The following CNTNAP5 variants were observed in gnomAD, a reference collection of about 807,000 sequenced individuals.
CNTNAP5 encodes the protein contactin-associated protein-like 5.
Under a neutral mutation model 150.2 loss-of-function variants are expected in CNTNAP5, and 72 were observed. The observed-to-expected ratio is 0.48, with a 90% CI of 0.40 to 0.58. The LOEUF is 0.58. Among genes scored for constraint, CNTNAP5 ranks in the 20% least tolerant of loss-of-function variants. CNTNAP5 has a pLI of 0.00. For synonymous variants in CNTNAP5, 672 were observed against 619.8 expected (o/e 1.08, Z -1.25); for missense variants, 1,636 against 1,626.2 (o/e 1.01, Z -0.10).
rs544040027 is a variant in CNTNAP5 at position 124,336,761 on chromosome 2, A to C, written c.382-80682A>C. ...GGTATATATGTGCCACATTTTCTTA[A>C]TCCAGTCTATCATTGTTAGACATTT... On this transcript the variant is annotated intron_variant, in intron 3 of 23. Coordinates refer to ENST00000682447, the MANE Select transcript of CNTNAP5 (RefSeq NM_001367498.1). Among the ~76,000 whole-genome samples the C allele has an allele frequency of 7.2e-5, 11 of 151,738 alleles. No individual in the cohort carries two copies. The South Asian group carries it at 2.3e-3, about 32-fold the overall frequency.
At chr2:124,768,478 CTAA>C (rs1297852008) in intron 16 of CNTNAP5, among the ~76,000 whole-genome samples, 1 of 152,116 alleles carries the variant, frequency 6.6e-6, no homozygotes, top group Non-Finnish European at 1.5e-5. Context: ...ATGAATACTA[CTAA>C]TAATTACACT....
intron 3 of CNTNAP5, among the ~76,000 whole-genome samples, chr2:124,310,941 C>T (rs1367370913): frequency 6.6e-6 from 1 of 152,100 alleles, no homozygotes; most frequent in Non-Finnish European, 1.5e-5. Context: ...GTCCTCGACA[C>T]TTTCATGACT....
At chr2:124,904,725 T>A (rs1678495659) in intron 22 of CNTNAP5, among the ~76,000 whole-genome samples, 1 of 152,026 alleles carries the variant, frequency 6.6e-6, no homozygotes, top group South Asian at 2.1e-4. Context: ...AAAAATTAAC[T>A]TGAAATGGAT....
At chr2:124,534,841 A>G (rs566414764) in intron 10 of CNTNAP5, among the ~76,000 whole-genome samples, 2 of 152,124 alleles carry the variant, frequency 1.3e-5, no homozygotes, top group Non-Finnish European at 2.9e-5. Context: ...TATGACTTGT[A>G]TCTTGTGACA....
chr2:124,356,242 A>G (rs975702921), intron 3 of CNTNAP5, among the ~76,000 whole-genome samples: 3 of 152,138 alleles, frequency 2.0e-5, no homozygotes, highest in Non-Finnish European at 2.9e-5. Flanking sequence ...GACATACTCA[A>G]TTATCTTAAC....
At chr2:124,212,803 C>G (rs562055668) in intron 1 of CNTNAP5, among the ~76,000 whole-genome samples, 2 of 140,446 alleles carry the variant, frequency 1.4e-5, no homozygotes, top group East Asian at 4.5e-4. Flanking sequence ...TTAGGCTTGG[C>G]TGGGACCTAC....
At chr2:124,086,001 T>C (rs1682679511) in intron 1 of CNTNAP5, among the ~76,000 whole-genome samples, 1 of 152,166 alleles carries the variant, frequency 6.6e-6, no homozygotes, top group South Asian at 2.1e-4. Context: ...TTAATGGTGT[T>C]GAGTTCTTCT....
intron 6 of CNTNAP5, among the ~76,000 whole-genome samples, chr2:124,448,935 G>A (rs1008935583): frequency 4.6e-5 from 7 of 152,142 alleles, no homozygotes; most frequent in Non-Finnish European, 1.0e-4. Flanking sequence ...ACACCAACAC[G>A]TACATACCTG....
At chr2:124,491,913 AG>A (rs1163244710) in intron 7 of CNTNAP5, among the ~76,000 whole-genome samples, 37 of 152,134 alleles carry the variant, frequency 2.4e-4, no homozygotes, top group African/African-American at 8.4e-4. Context: ...AAAAATCTCT[AG>A]TGAAGGTCTT....
intron 8 of CNTNAP5, among the ~76,000 whole-genome samples, chr2:124,512,146 C>T (rs1010988770): frequency 2.0e-5 from 3 of 151,590 alleles, no homozygotes; most frequent in African/African-American, 7.3e-5. Context: ...TTATAGCTAA[C>T]GGTTGGTATA....
intron 19 of CNTNAP5, among the ~76,000 whole-genome samples, chr2:124,803,062 C>T (rs1283590671): frequency 6.6e-6 from 1 of 150,720 alleles, no homozygotes; most frequent in Non-Finnish European, 1.5e-5. Context: ...TTGCAGTGAG[C>T]CGAGATCACG....
Position 124,294,938 on chromosome 2 carries a change from T to C in CNTNAP5, c.381+52545T>C, listed in dbSNP as rs10189432. Among the ~76,000 whole-genome samples the C allele has an allele frequency of 1.8e-3, 269 of 152,254 alleles. 1 individual carries two copies. The highest frequency in any genetic ancestry group is 6.3e-3 in the African/African-American group (260 of 41,560). Reference sequence around the variant, plus strand: ...CTGACCAACTTGGTGAAACCCCATCTGTACTAAAAATACAAAAACTAGCTG... The same window carrying C: ...CTGACCAACTTGGTGAAACCCCATCCGTACTAAAAATACAAAAACTAGCTG... On this transcript the variant is annotated intron_variant, in intron 3 of 23. Transcript: ENST00000682447.
intron 3 of CNTNAP5, among the ~76,000 whole-genome samples, chr2:124,380,355 G>T (rs1000267592): frequency 6.6e-6 from 1 of 152,134 alleles, no homozygotes; most frequent in Non-Finnish European, 1.5e-5. Context: ...TTCCTGCAAT[G>T]CTCGTAGTTT....
At chr2:124,311,734 C>T (rs902278606) in intron 3 of CNTNAP5, among the ~76,000 whole-genome samples, 1 of 152,136 alleles carries the variant, frequency 6.6e-6, no homozygotes, top group Non-Finnish European at 1.5e-5. Flanking sequence ...AGTCACCTGA[C>T]GGTCACGTGT....
intron 19 of CNTNAP5, among the ~76,000 whole-genome samples, chr2:124,840,655 G>A (rs774772830): frequency 1.2e-4 from 19 of 152,002 alleles, no homozygotes; most frequent in Non-Finnish European, 2.4e-4. Flanking sequence ...TCTTTATGCC[G>A]GTAAACAGGA....
chr2:124,411,652 G>T (rs1691768021), intron 3 of CNTNAP5, among the ~76,000 whole-genome samples: 1 of 100,782 alleles, frequency 9.9e-6, no homozygotes, highest in South Asian at 3.7e-4. Context: ...AATAGATGCA[G>T]AAAAAGCCTT....
chr2:124,675,615 G>T (rs1678923648), intron 13 of CNTNAP5, among the ~76,000 whole-genome samples: 1 of 151,974 alleles, frequency 6.6e-6, no homozygotes. Flanking sequence ...GTATACAAAA[G>T]CTTTTGTGCA....
At chr2:124,716,513 A>G (rs1055915757) in intron 13 of CNTNAP5, among the ~76,000 whole-genome samples, 4 of 151,704 alleles carry the variant, frequency 2.6e-5, no homozygotes, top group African/African-American at 9.7e-5. Flanking sequence ...TATATTAAAA[A>G]TTCTAAATAT....
rs374075429 is a variant in CNTNAP5, at chr2:124,862,183, T to C, written c.3218-3123T>C. On this transcript the variant is annotated intron_variant, in intron 19 of 23. Coordinates refer to ENST00000682447, the MANE Select transcript of CNTNAP5 (RefSeq NM_001367498.1). ...ATCTCTTTTATTGTTAATTTCCACATTGTGAACATCTTATCTCTGTTTATA... is the reference window on the plus strand; with the variant it reads ...ATCTCTTTTATTGTTAATTTCCACACTGTGAACATCTTATCTCTGTTTATA... Among the ~76,000 whole-genome samples, 300 of 152,340 alleles carry C rather than the reference T, an allele frequency of 2.0e-3. 4 individuals are homozygous for C. Among genetic ancestry groups the C allele is most frequent in the African/African-American group, 6.8e-3 (284 of 41,572 alleles).
Sources: allele counts gnomAD v4.1 joint callset (sites outside exome capture counted in the v4.1 genomes callset), GRCh38; gene constraint gnomAD v4.1.1; transcripts MANE v1.5; gene names NCBI Gene and HGNC (gene_info 2026-07-23, HGNC 2026-07-21).